ZNF462: variants seen among roughly 807,000 people sequenced by gnomAD.
The protein encoded by ZNF462 is zinc finger protein 462.
A neutral mutation model predicts 201.9 loss-of-function variants in ZNF462; 10 were observed. The observed-to-expected ratio is 0.05, with a 90% confidence interval of 0.03 to 0.08. The LOEUF (loss-of-function observed/expected upper bound fraction) is 0.08, where lower values mean the gene tolerates loss of function less well. ZNF462 is among the 10% of genes least tolerant of loss of function. ZNF462 has a pLI of 1.00. For missense variants in ZNF462, 2,523 were observed against 3,168.3 expected, an observed-to-expected ratio of 0.80 and a Z score of 4.89; for synonymous variants, 1,227 against 1,193.3, an observed-to-expected ratio of 1.03 and a Z score of -0.58.
At chr9:106,992,454 G>A (rs1364775765) in intron 10 of ZNF462, among the ~76,000 whole-genome samples, 2 of 152,004 alleles carry the variant, frequency 1.3e-5, no homozygotes, top group African/African-American at 4.8e-5. Context: ...TAAGTTAAAC[G>A]TACACTTGCC....
chr9:106,896,250 G>T (rs1008383593), intron 1 of ZNF462, among the ~76,000 whole-genome samples: 3 of 152,166 alleles, frequency 2.0e-5, no homozygotes, highest in Non-Finnish European at 4.4e-5. Context: ...TAGCTACGTA[G>T]TAGGCACTCA....
chr9:106,975,415 A>G (rs1399448296), intron 9 of ZNF462: 1 of 152,212 alleles, frequency 6.6e-6, no homozygotes, highest in African/African-American at 2.4e-5. Context: ...CCTTTGGCCA[A>G]TACATTTGTG....
In ZNF462 at chr9:106,933,108, A is replaced by G. The variant is rs1830488968; in HGVS notation, c.6116+559A>G. On this transcript the variant is annotated intron_variant, in intron 5 of 12. Transcript: ENST00000277225. The surrounding 1 kb of genome is among the most constrained non-coding windows in gnomAD (Gnocchi z 4.3). The stretch of plus-strand genomic sequence containing the variant: ...AGTGTAAATATGGAATAGGTGTGTA[A>G]GGCTTTTTGGGGCCATGGAAAGAGG... The G allele has an allele frequency of 6.3e-6, 1 of 159,384 alleles. No homozygotes were observed. The highest frequency in any genetic ancestry group is 2.4e-5 in the African/African-American group (1 of 41,476). 9.9% of individuals were successfully genotyped at this position (159,384 alleles called of 1,614,324 possible). A position where few individuals can be genotyped will look rare whatever the true frequency, so the allele number is the denominator to read the frequency against.
intron 10 of ZNF462, among the ~76,000 whole-genome samples, chr9:106,988,197 G>A (rs1456312428): frequency 6.6e-6 from 1 of 152,118 alleles, no homozygotes; most frequent in African/African-American, 2.4e-5. Flanking sequence ...AGGTGGCTGG[G>A]GAAGCCTCAC....
At chr9:106,909,618 A>T (rs973694355) in intron 1 of ZNF462, among the ~76,000 whole-genome samples, 1 of 152,144 alleles carries the variant, frequency 6.6e-6, no homozygotes, top group Non-Finnish European at 1.5e-5. Context: ...TTGTGAACTT[A>T]GTTGGGAATT....
chr9:106,943,176 G>T (rs566757886), intron 7 of ZNF462, among the ~76,000 whole-genome samples: 2 of 151,434 alleles, frequency 1.3e-5, no homozygotes, highest in East Asian at 3.9e-4. Context: ...TATAGAACTT[G>T]ATATAGTCCT....
chr9:106,994,264 T>C (rs1249883973), intron 10 of ZNF462, among the ~76,000 whole-genome samples: 1 of 152,128 alleles, frequency 6.6e-6, no homozygotes, highest in Non-Finnish European at 1.5e-5. Flanking sequence ...TTTGCCAGTT[T>C]GGGGAAAACA....
intron 1 of ZNF462, among the ~76,000 whole-genome samples, chr9:106,892,704 G>GCACACACACA (rs10568431): frequency 7.6e-6 from 1 of 131,844 alleles, no homozygotes; most frequent in Non-Finnish European, 1.6e-5. Context: ...ACACACACAC[G>GCACACACACA]CACACACACA....
chr9:106,968,510 A>AACTCTTTTCTC lies in ZNF462; in HGVS notation c.6428-3493_6428-3483dup, dbSNP rs1832183159. 6.6e-6 allele frequency among the ~76,000 whole-genome samples: 1 copy of AACTCTTTTCTC among 152,148 alleles called. No individual in the cohort carries two copies. The highest frequency in any genetic ancestry group is 1.5e-5 in the Non-Finnish European group (1 of 68,036). ...ATTAAAGTCACAAGTCAGAGAATAAAACTCTTTTCTCAGACTGTATGTGTC... is the reference window on the plus strand; with the variant it reads ...ATTAAAGTCACAAGTCAGAGAATAAAACTCTTTTCTCACTCTTTTCTCAGACTGTATGTGTC... On this transcript the variant is annotated intron_variant, in intron 7 of 12. Transcript: ENST00000277225. This position sits in a 1 kb window ranked among gnomAD's most constrained non-coding sequence, Gnocchi z 4.0.
chr9:106,925,722 A>G lies in ZNF462; in HGVS notation c.1810A>G (p.Met604Val). The G allele has an allele frequency of 6.2e-7, 1 of 1,614,104 alleles. No homozygotes were observed. ...AAPLHPYKCT[M>V]CNYSTTTLKG... ...ACCTCTGCACCCATACAAATGCACC[A>G]TGTGTAATTACTCCACCACAACTCT... Residue 604 changes from methionine to valine, a missense_variant, in exon 3 of 13, where the codon ATG becomes GTG. Physicochemically the swap from Met to Val is conservative, Grantham distance 21. Transcript: ENST00000277225. This position sits in a 1 kb window ranked among gnomAD's most constrained non-coding sequence, Gnocchi z 7.9.
chr9:106,912,579 T>C (rs903478049), intron 1 of ZNF462, among the ~76,000 whole-genome samples: 1 of 152,210 alleles, frequency 6.6e-6, no homozygotes, highest in Non-Finnish European at 1.5e-5. Context: ...GGAATGTCTT[T>C]ACTTGTGAGT....
chr9:106,932,772 G>C lies in ZNF462; in HGVS notation c.6116+223G>C, dbSNP rs1469763773. 1.6e-6 allele frequency: 1 copy of C among 615,602 alleles called. No homozygotes were observed. Among genetic ancestry groups the C allele is most frequent in the Non-Finnish European group, 2.8e-6 (1 of 352,752 alleles). 38.1% of individuals were successfully genotyped at this position (615,602 alleles called of 1,614,324 possible). On this transcript the variant is annotated intron_variant, in intron 5 of 12. Transcript: ENST00000277225. This position sits in a 1 kb window ranked among gnomAD's most constrained non-coding sequence, Gnocchi z 6.8. The stretch of plus-strand genomic sequence containing the variant: ...TGGCAAATGCAGGCATTTTAAAAAT[G>C]AGAATTGGAGGAATTGCTATGATTT...
chr9:106,900,263 T>G (rs1829008782), intron 1 of ZNF462, among the ~76,000 whole-genome samples: 1 of 150,900 alleles, frequency 6.6e-6, no homozygotes. Context: ...TATCTCACAG[T>G]TTTTTAATCC....
intron 7 of ZNF462, among the ~76,000 whole-genome samples, chr9:106,956,030 G>A (rs546400292): frequency 3.9e-5 from 6 of 152,118 alleles, no homozygotes; most frequent in Non-Finnish European, 7.4e-5. Context: ...ATATTTTGAC[G>A]TCCTCCCATG....
upstream of ZNF462, among the ~76,000 whole-genome samples, chr9:106,860,610 G>A (rs1047751928): frequency 6.6e-6 from 1 of 152,218 alleles, no homozygotes; most frequent in African/African-American, 2.4e-5. The surrounding 1 kb of genome is among the most constrained non-coding windows in gnomAD (Gnocchi z 7.1). Context: ...AGTAATAGGA[G>A]CTTTCAACCT....
rs745633460 is a variant in ZNF462, at chr9:107,009,599, C to T, written c.7244C>T (p.Pro2415Leu). ...GCTCTTAACACTGAGAAGCGTTTTC[C>T]ATGTGAATTTTGTGGACGGGCGTTT... ...GAALNTEKRFPCEFCGRAFSQ... is the reference protein window; with the variant it reads ...GAALNTEKRFLCEFCGRAFSQ... The change falls in exon 12 of 13, where the codon CCA becomes CTA. Residue 2415 changes from proline (P) to leucine (L), a missense_variant. Pro to Leu is a moderately conservative substitution (Grantham distance 98, BLOSUM62 -3). Coordinates refer to ENST00000277225, the MANE Select transcript of ZNF462 (RefSeq NM_021224.6). This position sits in a 1 kb window ranked among gnomAD's most constrained non-coding sequence, Gnocchi z 6.1. The T allele has an allele frequency of 5.0e-6, 8 of 1,613,936 alleles. No homozygotes were observed. Among genetic ancestry groups the T allele is most frequent in the Non-Finnish European group, 6.8e-6 (8 of 1,179,946 alleles).
intron 1 of ZNF462, among the ~76,000 whole-genome samples, chr9:106,916,516 G>A (rs977000210): frequency 3.3e-5 from 5 of 152,128 alleles, no homozygotes; most frequent in Admixed American, 6.5e-5. Context: ...CTGAAGAGTC[G>A]ATAAAGCAAC....
chr9:106,905,646 A>C lies in ZNF462; in HGVS notation c.-30-17708A>C, dbSNP rs1588031885. On this transcript the variant is annotated intron_variant, in intron 1 of 12. Coordinates refer to ENST00000277225, the MANE Select transcript of ZNF462 (RefSeq NM_021224.6). The surrounding 1 kb of genome is among the most constrained non-coding windows in gnomAD (Gnocchi z 5.9). The stretch of plus-strand genomic sequence containing the variant: ...GATTCCCAGGTCACTGGAGTTGTGT[A>C]CCTAGGAGGATTATGGCTGCCTCTG... 6.6e-6 allele frequency among the ~76,000 whole-genome samples: 1 copy of C among 151,868 alleles called. No individual in the cohort carries two copies. The highest frequency in any genetic ancestry group is 2.4e-5 in the African/African-American group (1 of 41,324).
At chr9:106,943,206 A>T (rs1026867300) in intron 7 of ZNF462, among the ~76,000 whole-genome samples, 2 of 152,092 alleles carry the variant, frequency 1.3e-5, no homozygotes, top group Non-Finnish European at 2.9e-5. Context: ...GAAGTCTGTG[A>T]TATTGTGAAT....
Sources: gnomAD v4.1 joint callset for allele counts (sites outside exome capture counted in the v4.1 genomes callset) on GRCh38, gnomAD v4.1.1 for gene constraint, Gnocchi (gnomAD v3.1) non-coding constraint, MANE v1.5 for transcripts, NCBI Gene and HGNC (gene_info 2026-07-23, HGNC 2026-07-21) for gene names.